Variants in ACBD6 observed in about 807,000 individuals in gnomAD.
ACBD6 encodes acyl-CoA-binding domain-containing protein 6.
ACBD6 carries 28 observed loss-of-function variants against 37.2 expected under a neutral mutation model. The observed-to-expected ratio is 0.75, with a 90% confidence interval of 0.56 to 1.03. The LOEUF (loss-of-function observed/expected upper bound fraction) is 1.03, where lower values mean the gene tolerates loss of function less well. ACBD6 is among the 50% of genes least tolerant of loss of function. ACBD6 has a pLI of 0.00. For missense variants in ACBD6, 340 were observed against 337.4 expected (o/e 1.01, Z -0.06); for synonymous variants, 113 against 126.8 (o/e 0.89, Z 0.73).
intron 3 of ACBD6, among the ~76,000 whole-genome samples, chr1:180,449,093 T>C (rs1247170994): frequency 1.3e-5 from 2 of 152,188 alleles, no homozygotes; most frequent in Admixed American, 6.5e-5. Flanking sequence ...TATGTTTCCA[T>C]TCCATTCTCT....
intron 8 of ACBD6, among the ~76,000 whole-genome samples, chr1:180,282,964 GTCTT>G (rs888514484): frequency 4.6e-5 from 6 of 130,284 alleles, no homozygotes; most frequent in African/African-American, 1.2e-4. Flanking sequence ...AATAATATAT[GTCTT>G]TCTGTTTTTT....
chr1:180,481,631 T>C (rs921497272), intron 3 of ACBD6, among the ~76,000 whole-genome samples: 2 of 152,172 alleles, frequency 1.3e-5, no homozygotes, highest in Non-Finnish European at 2.9e-5. Context: ...ATCCTACATA[T>C]CTATATGCTC....
intron 3 of ACBD6, among the ~76,000 whole-genome samples, chr1:180,470,619 T>C (rs1482175018): frequency 6.6e-6 from 1 of 152,202 alleles, no homozygotes; most frequent in African/African-American, 2.4e-5. Context: ...TTTCAAACAG[T>C]GCCTAGAAGA....
rs1384651971 is a variant in ACBD6 at position 180,427,928 on chromosome 1, A to AC, written c.467+2251_467+2252insG. ...AGCAAGACTCTGTCTCAAAAAAAAA[A>AC]AAAAAACCAAAAACCAAAAAACAAC... On this transcript the variant is annotated intron_variant, in intron 4 of 7. Transcript: ENST00000367595. 4.0e-5 allele frequency among the ~76,000 whole-genome samples: 6 copies of AC among 151,890 alleles called. No homozygotes were observed. In the East Asian group the frequency reaches 9.7e-4, roughly 24 times the overall value.
intron 6 of ACBD6, among the ~76,000 whole-genome samples, chr1:180,364,897 C>T (rs984835101): frequency 6.6e-6 from 1 of 152,024 alleles, no homozygotes; most frequent in African/African-American, 2.4e-5. Context: ...CAACGCCTGG[C>T]TAATTTTCTG....
chr1:180,306,032 G>C (rs1466286893), intron 7 of ACBD6, among the ~76,000 whole-genome samples: 1 of 149,336 alleles, frequency 6.7e-6, no homozygotes, highest in Non-Finnish European at 1.5e-5. Context: ...CTCACTCATA[G>C]GTGGGAATTG....
At chr1:180,426,284 T>C (rs1244507427) in intron 4 of ACBD6, among the ~76,000 whole-genome samples, 3 of 152,068 alleles carry the variant, frequency 2.0e-5, no homozygotes, top group African/African-American at 7.2e-5. Flanking sequence ...TATTGCAGGG[T>C]GGTGTGGGTA....
intron 1 of ACBD6, among the ~76,000 whole-genome samples, chr1:180,496,546 A>C (rs771896828): frequency 5.3e-5 from 8 of 151,872 alleles, no homozygotes; most frequent in Non-Finnish European, 1.2e-4. Flanking sequence ...TTGTTACTCC[A>C]CTCACCTGAA....
At chr1:180,461,675 G>A (rs971253676) in intron 3 of ACBD6, among the ~76,000 whole-genome samples, 3 of 152,136 alleles carry the variant, frequency 2.0e-5, no homozygotes, top group Non-Finnish European at 2.9e-5. Context: ...AGCTTCATAA[G>A]CAAAGGAGAA....
chr1:180,289,363 T>C (rs993432511), intron 7 of ACBD6, among the ~76,000 whole-genome samples: 4 of 152,078 alleles, frequency 2.6e-5, no homozygotes, highest in African/African-American at 9.7e-5. Context: ...AAGATGAGCA[T>C]TCCACATTAT....
At chr1:180,329,231 T>C (rs1651377702) in intron 6 of ACBD6, among the ~76,000 whole-genome samples, 2 of 152,246 alleles carry the variant, frequency 1.3e-5, no homozygotes, top group Non-Finnish European at 1.5e-5. Flanking sequence ...GTACACACTA[T>C]AAAAGATGCC....
intron 5 of ACBD6, among the ~76,000 whole-genome samples, chr1:180,410,053 G>A (rs1647793990): frequency 6.6e-6 from 1 of 152,262 alleles, no homozygotes; most frequent in Non-Finnish European, 1.5e-5. Flanking sequence ...GAAAAAGTGA[G>A]TGGTCTGGAT....
At position 180,352,898 on chromosome 1, in the gene ACBD6, C is replaced by G. The variant is rs115927421; in HGVS notation, c.664-38176G>C. On this transcript the variant is annotated intron_variant, in intron 6 of 7. Coordinates refer to ENST00000367595, the MANE Select transcript of ACBD6 (RefSeq NM_032360.4). ...CTTACTGTCCCAGAGAATAGTGTAC[C>G]TGTAAGTAGCTTGTTCGTGGTATGT... 3.7e-3 allele frequency among the ~76,000 whole-genome samples: 559 copies of G among 152,302 alleles called. 1 individual carries two copies. Among genetic ancestry groups the G allele is most frequent in the African/African-American group, 0.013 (527 of 41,560 alleles).
chr1:180,363,805 T>C (rs185399280), intron 6 of ACBD6, among the ~76,000 whole-genome samples: 5 of 152,258 alleles, frequency 3.3e-5, no homozygotes, highest in Admixed American at 1.3e-4. Context: ...AGGGAAGGCT[T>C]TGTAATGCTC....
In ACBD6 at chr1:180,369,331, G is replaced by A. The variant is rs79791435; in HGVS notation, c.663+28185C>T. On this transcript the variant is annotated intron_variant, in intron 6 of 7. Coordinates refer to ENST00000367595, the MANE Select transcript of ACBD6 (RefSeq NM_032360.4). ...CCCCTTGGCCACCCTTCAGGCCTAGGGGCACATGTATCAACAGCAAGATCT... is the reference window on the plus strand; with the variant it reads ...CCCCTTGGCCACCCTTCAGGCCTAGAGGCACATGTATCAACAGCAAGATCT... Among the ~76,000 whole-genome samples the A allele has an allele frequency of 5.8e-3, 877 of 152,340 alleles. 7 individuals carry two copies. The highest frequency in any genetic ancestry group is 0.02 in the African/African-American group (831 of 41,570).
At chr1:180,327,759 T>C (rs1651311384) in intron 6 of ACBD6, among the ~76,000 whole-genome samples, 1 of 152,254 alleles carries the variant, frequency 6.6e-6, no homozygotes, top group Non-Finnish European at 1.5e-5. Context: ...AATGAAGGTC[T>C]AAACAATGAT....
chr1:180,490,659 G>A (rs1303594156), intron 3 of ACBD6, among the ~76,000 whole-genome samples: 6 of 151,544 alleles, frequency 4.0e-5, no homozygotes, highest in African/African-American at 9.7e-5. Context: ...GGTGGTGGAC[G>A]CCTGTAGTCC....
intron 3 of ACBD6, among the ~76,000 whole-genome samples, chr1:180,453,297 C>T (rs1649787557): frequency 6.6e-6 from 1 of 152,182 alleles, no homozygotes; most frequent in Admixed American, 6.5e-5. Flanking sequence ...ATCACATAAA[C>T]AGAACCAATG....
At chr1:180,495,390 C>A in intron 2 of ACBD6, 71 bp downstream of exon 2, 1 of 1,111,480 alleles carries the variant, frequency 9.0e-7, no homozygotes, top group Non-Finnish European at 1.3e-6. Context: ...TTAATCAGCT[C>A]ACTGCTTTCT....
Sources: gnomAD v4.1 joint callset for allele counts (sites outside exome capture counted in the v4.1 genomes callset) on GRCh38, gnomAD v4.1.1 for gene constraint, MANE v1.5 for transcripts, NCBI Gene and HGNC (gene_info 2026-07-23, HGNC 2026-07-21) for gene names.